The following DTWD2 variants were observed in gnomAD, a reference collection of about 807,000 sequenced individuals.
The protein encoded by DTWD2 is tRNA-uridine aminocarboxypropyltransferase 2.
In DTWD2, 39 loss-of-function variants were observed where a neutral mutation model predicts 31.8. The observed-to-expected ratio is 1.22, with a 90% CI of 0.95 to 1.60. The LOEUF (loss-of-function observed/expected upper bound fraction) is 1.60. Ranked by LOEUF, DTWD2 falls within the 40% of genes most tolerant of loss-of-function variation. The pLI, the probability that DTWD2 is intolerant of heterozygous loss-of-function variation, is 0.00. For missense variants in DTWD2, 515 were observed against 381.5 expected, an observed-to-expected ratio of 1.35 and a Z score of -2.92; for synonymous variants, 180 against 142.8, an observed-to-expected ratio of 1.26 and a Z score of -1.86.
chr5:118,843,203 C>T (rs983248315), intron 5 of DTWD2, among the ~76,000 whole-genome samples: 1 of 151,844 alleles, frequency 6.6e-6, no homozygotes, highest in East Asian at 1.9e-4. Flanking sequence ...GATCCACCTG[C>T]CTCGGCCTCC....
rs557688853 is a variant in DTWD2 at position 118,864,660 on chromosome 5, A to ATAT, written c.598-16445_598-16443dup. 2.1e-3 allele frequency among the ~76,000 whole-genome samples: 310 copies of ATAT among 147,000 alleles called. 2 individuals are homozygous for ATAT. Among genetic ancestry groups the ATAT allele is most frequent in the African/African-American group, 6.5e-3 (260 of 40,000 alleles). On this transcript the variant is annotated intron_variant, in intron 4 of 5. Transcript: ENST00000510708. ...TATTTTATTTTTTTTTTATTTTATT[A>ATAT]TATTATTATTATACCTTAAGTGTTA... is the stretch of plus-strand genomic sequence containing the variant.
At chr5:118,965,607 T>C (rs1250985536) in intron 1 of DTWD2, among the ~76,000 whole-genome samples, 1 of 152,226 alleles carries the variant, frequency 6.6e-6, no homozygotes, top group Non-Finnish European at 1.5e-5. Flanking sequence ...GGGATGCTGT[T>C]GGGGTATGGT....
chr5:118,988,465 C>T lies in DTWD2; in HGVS notation c.47G>A (p.Arg16Gln), dbSNP rs368659961. The change falls in exon 1 of 6, where the codon CGG becomes CAG. Residue 16 changes from arginine to glutamine, a missense_variant. Physicochemically the swap from Arg to Gln is conservative, Grantham distance 43. Coordinates refer to ENST00000510708, the MANE Select transcript of DTWD2 (RefSeq NM_173666.4). ...CTGAGAGCTTGAGGCCCCAGAAGGC[C>T]GCGCAACGGGCTCCTGGAGTGTTCG... ...EARTLQEPVA[R>Q]PSGASSSQTP... The T allele has an allele frequency of 6.2e-7, 1 of 1,605,712 alleles. No individual in the cohort carries two copies. Among genetic ancestry groups the T allele is most frequent in the East Asian group, 2.3e-5 (1 of 44,108 alleles).
rs149822662 is a variant in DTWD2, at chr5:118,841,078, G to A, written c.736C>T (p.Arg246Cys). The A allele has an allele frequency of 1.5e-4, 234 of 1,610,612 alleles. 1 individual carries two copies. In the African/African-American group the frequency reaches 1.7e-3, roughly 11 times the overall value. Residue 246 changes from arginine (R) to cysteine (C), a missense_variant, in exon 6 of 6, where the codon CGC (arginine) becomes TGC (cysteine). By Grantham distance (180) the Arg-to-Cys change is radical. Transcript: ENST00000510708. ...AAGGAGCATAAAGCTTGAAGAGGGCGAAGCAAAGTCTGTCAAGAGAAAAAA... is the reference window on the plus strand; with the variant it reads ...AAGGAGCATAAAGCTTGAAGAGGGCAAAGCAAAGTCTGTCAAGAGAAAAAA... ...KNNYIQETLLRPLQALCSFQL... is the reference protein window; with the variant it reads ...KNNYIQETLLCPLQALCSFQL...
At chr5:118,965,206 G>A (rs1293693163) in intron 1 of DTWD2, among the ~76,000 whole-genome samples, 1 of 151,534 alleles carries the variant, frequency 6.6e-6, no homozygotes, top group Non-Finnish European at 1.5e-5. Context: ...CCGCCCAGCA[G>A]CCGCCCCATC....
At position 118,862,848 on chromosome 5, in the gene DTWD2, C is replaced by A. The variant is rs891802101; in HGVS notation, c.598-14630G>T. Among the ~76,000 whole-genome samples, 12 of 152,204 alleles carry A rather than the reference C, an allele frequency of 7.9e-5. No homozygotes were observed. In the East Asian group the frequency reaches 1.2e-3, roughly 15 times the overall value. On this transcript the variant is annotated intron_variant, in intron 4 of 5. Coordinates refer to ENST00000510708, the MANE Select transcript of DTWD2 (RefSeq NM_173666.4). Reference sequence around the variant, plus strand: ...ATTAGTTTAGGGGTCATCATATGAGCCAATTTTGGTTAATGAGACATAACA... The same window carrying A: ...ATTAGTTTAGGGGTCATCATATGAGACAATTTTGGTTAATGAGACATAACA...
rs1754292180 is a variant in DTWD2 at position 118,944,636 on chromosome 5, C to T, written c.232G>A (p.Val78Met). Reference protein sequence around the residue: ...ECTRCSRPQKVCLCPFLPAHP... With the variant: ...ECTRCSRPQKMCLCPFLPAHP... ...GCTGGGAGAAATGGACACAAACACA[C>T]TTTCTGAGGCCGGCTAAAGGGTAAA... is the stretch of plus-strand genomic sequence containing the variant. The change falls in exon 2 of 6, where the codon GTG becomes ATG. Residue 78 changes from valine (V) to methionine (M), a missense_variant. Physicochemically the swap from Val to Met is conservative, Grantham distance 21 (BLOSUM62 1). Transcript: ENST00000510708. 6.2e-7 allele frequency: 1 copy of T among 1,613,188 alleles called. No homozygotes were observed. Among genetic ancestry groups the T allele is most frequent in the East Asian group, 2.2e-5 (1 of 44,790 alleles).
At chr5:118,942,859 A>G (rs1328526966) in intron 2 of DTWD2, among the ~76,000 whole-genome samples, 3 of 152,026 alleles carry the variant, frequency 2.0e-5, no homozygotes, top group Non-Finnish European at 4.4e-5. Context: ...CTAGAGTGCA[A>G]TGTCACAATC....
chr5:118,980,398 G>A (rs1485677272), intron 1 of DTWD2, among the ~76,000 whole-genome samples: 1 of 152,200 alleles, frequency 6.6e-6, no homozygotes. Flanking sequence ...TGTGCCTTGA[G>A]TAATAAAGTC....
intron 1 of DTWD2, 185 bp downstream of exon 1, chr5:118,988,109 C>G (rs1755469657): frequency 1.3e-6 from 1 of 755,182 alleles, no homozygotes; most frequent in South Asian, 1.5e-5. Flanking sequence ...TAATCATGAA[C>G]CTGGAAAAAG....
At chr5:118,848,017 G>C in intron 5 of DTWD2, 73 bp downstream of exon 5, 1 of 1,378,666 alleles carries the variant, frequency 7.3e-7, no homozygotes, top group Non-Finnish European at 9.5e-7. Flanking sequence ...AATTTAACAA[G>C]CATGTCTAAA....
At chr5:118,857,929 A>G (rs1477831742) in intron 4 of DTWD2, among the ~76,000 whole-genome samples, 1 of 152,170 alleles carries the variant, frequency 6.6e-6, no homozygotes. Context: ...TCAAGCGACT[A>G]CGCCTGGGAT....
chr5:118,872,142 G>A (rs76547964), intron 4 of DTWD2, among the ~76,000 whole-genome samples: 3,468 of 152,288 alleles, frequency 0.023, 148 homozygotes, highest in African/African-American at 0.078. Context: ...GAGAGTTAGA[G>A]CCTTGCTGTA....
At chr5:118,987,770 G>A (rs1755460606) in intron 1 of DTWD2, among the ~76,000 whole-genome samples, 1 of 152,168 alleles carries the variant, frequency 6.6e-6, no homozygotes, top group Non-Finnish European at 1.5e-5. Context: ...CTGGGATATA[G>A]ATGATAATTT....
At chr5:118,894,677 T>C (rs1358545392) in intron 4 of DTWD2, among the ~76,000 whole-genome samples, 3 of 152,166 alleles carry the variant, frequency 2.0e-5, no homozygotes, top group Admixed American at 6.5e-5. Context: ...TTTACCATGA[T>C]CAAGTGGGAT....
chr5:118,988,181 C>T (rs1314479921), intron 1 of DTWD2, 113 bp downstream of exon 1: 2 of 1,346,654 alleles, frequency 1.5e-6, no homozygotes, highest in Non-Finnish European at 2.1e-6. Flanking sequence ...CCCGCCAACT[C>T]CGCCGCCCTA....
chr5:118,915,333 G>C (rs1223589297), intron 4 of DTWD2, among the ~76,000 whole-genome samples: 1 of 150,838 alleles, frequency 6.6e-6, no homozygotes, highest in South Asian at 2.1e-4. Flanking sequence ...CACTAACCAG[G>C]ACAAGCCCCC....
At chr5:118,901,748 A>G (rs1580795965) in intron 4 of DTWD2, among the ~76,000 whole-genome samples, 1 of 152,156 alleles carries the variant, frequency 6.6e-6, no homozygotes, top group African/African-American at 2.4e-5. Flanking sequence ...TTATCAAAAG[A>G]TTAAAATTGC....
chr5:118,975,649 C>T lies in DTWD2; in HGVS notation c.218+12645G>A, dbSNP rs539368134. Among the ~76,000 whole-genome samples, 5 of 152,214 alleles carry T rather than the reference C, an allele frequency of 3.3e-5. No homozygotes were observed. In the East Asian group the frequency reaches 9.7e-4, roughly 29 times the overall value. On this transcript the variant is annotated intron_variant, in intron 1 of 5. Transcript: ENST00000510708. Reference sequence around the variant, plus strand: ...TTCAGCCTTTTTGTGCTGGTTTTTCCTCATCTTCATGGATTTATCTACCTT... The same window carrying T: ...TTCAGCCTTTTTGTGCTGGTTTTTCTTCATCTTCATGGATTTATCTACCTT...
Sources: gnomAD v4.1 joint callset for allele counts (sites outside exome capture counted in the v4.1 genomes callset) on GRCh38, gnomAD v4.1.1 for gene constraint, MANE v1.5 for transcripts, NCBI Gene and HGNC (gene_info 2026-07-23, HGNC 2026-07-21) for gene names.